The following CARMIL3 variants were observed in gnomAD, a reference collection of about 807,000 sequenced individuals.
CARMIL3 encodes capping protein, Arp2/3 and myosin-I linker protein 3.
In CARMIL3, 88 loss-of-function variants were observed where a neutral mutation model predicts 180.8. That is an observed-to-expected ratio of 0.49 (90% CI 0.41 to 0.58). The LOEUF (loss-of-function observed/expected upper bound fraction) is 0.58, where lower values mean the gene tolerates loss of function less well. Among genes scored for constraint, CARMIL3 ranks in the 20% least tolerant of loss-of-function variants. CARMIL3 has a pLI of 0.00. For missense variants in CARMIL3, 1,548 were observed against 1,787.0 expected (o/e 0.87, Z 2.41); for synonymous variants, 696 against 714.5 (o/e 0.97, Z 0.41).
At position 24,066,374 on chromosome 14, in the gene CARMIL3, C is replaced by A. The variant is rs754165788; in HGVS notation, c.3526-24C>A. 6.8e-6 allele frequency: 11 copies of A among 1,612,320 alleles called. No homozygotes were observed. The East Asian group carries it at 2.5e-4, about 36-fold the overall frequency. ...TCCTGCCACAGAGGAGACTTTCTTA[C>A]AACCTGACCCACTGTTCTTTCAGGG... On this transcript the variant is annotated intron_variant, in intron 34 of 39. Coordinates refer to ENST00000342740, the MANE Select transcript of CARMIL3 (RefSeq NM_138360.4).
In CARMIL3 at chr14:24,054,339, C is replaced by A. The variant is rs2035650367; in HGVS notation, c.246+38C>A. On this transcript the variant is annotated intron_variant, in intron 4 of 39. Coordinates refer to ENST00000342740, the MANE Select transcript of CARMIL3 (RefSeq NM_138360.4). This position sits in a 1 kb window ranked among gnomAD's most constrained non-coding sequence, Gnocchi z 5.1. ...GCTTTGGGCCCCACTACTGGGCCAG[C>A]TGGAGGAGGGAGCAGAGAGGAGGGA... 1 of 1,613,904 alleles carries A rather than the reference C, an allele frequency of 6.2e-7. No homozygotes were observed. The highest frequency in any genetic ancestry group is 1.3e-5 in the African/African-American group (1 of 75,028).
chr14:24,063,238 CCT>C, intron 30 of CARMIL3, 55 bp downstream of exon 30: 1 of 1,596,270 alleles, frequency 6.3e-7, no homozygotes, highest in Non-Finnish European at 8.6e-7. Context: ...CTCTGTAGCC[CCT>C]CTTTCCCTTG....
rs1259936643 is a variant in CARMIL3, at chr14:24,054,878, A to G, written c.460+70A>G. ...GCCCCATGATCAGAGCCCTTTGTGC[A>G]CAGGGTGTTGCCTGGGCGGGCGGGC... is the stretch of plus-strand genomic sequence containing the variant. On this transcript the variant is annotated intron_variant, in intron 6 of 39. Coordinates refer to ENST00000342740, the MANE Select transcript of CARMIL3 (RefSeq NM_138360.4). This position sits in a 1 kb window ranked among gnomAD's most constrained non-coding sequence, Gnocchi z 5.1. 2 of 1,513,278 alleles carry G rather than the reference A, an allele frequency of 1.3e-6. No individual in the cohort carries two copies. Among genetic ancestry groups the G allele is most frequent in the African/African-American group, 1.4e-5 (1 of 72,624 alleles). 93.7% of individuals were successfully genotyped at this position (1,513,278 alleles called of 1,614,324 possible).
In CARMIL3 at chr14:24,058,761, GGTGAGTA is replaced by G. The variant is rs1198962981; in HGVS notation, c.1474+4_1474+10del. 1 of 1,613,966 alleles carries G rather than the reference GGTGAGTA, an allele frequency of 6.2e-7. No individual in the cohort carries two copies. Among genetic ancestry groups the G allele is most frequent in the African/African-American group, 1.3e-5 (1 of 74,910 alleles). On this transcript the variant is annotated splice_donor_variant and splice_donor_5th_base_variant and intron_variant, in intron 18 of 39. Transcript: ENST00000342740. LOFTEE classifies it high-confidence loss of function. The surrounding 1 kb of genome is among the most constrained non-coding windows in gnomAD (Gnocchi z 6.4). The stretch of plus-strand genomic sequence containing the variant: ...AGGCAGCCTGGATCTGTCAGACAAT[GGTGAGTA>G]GTGGTTCCTCCCTTCCCTGGGGCCA...
At chr14:24,069,327 G>A in intron 39 of CARMIL3, 52 bp from the exon 40 acceptor site, 6 of 1,614,034 alleles carry the variant, frequency 3.7e-6, no homozygotes, top group Non-Finnish European at 5.1e-6. Flanking sequence ...AACACCAGGT[G>A]GCTGGCTGTC....
rs2035823682 is a variant in CARMIL3, at chr14:24,068,915, C to A, written c.3931C>A (p.Pro1311Thr). 1 of 1,593,314 alleles carries A rather than the reference C, an allele frequency of 6.3e-7. No homozygotes were observed. Among genetic ancestry groups the A allele is most frequent in the Non-Finnish European group, 8.5e-7 (1 of 1,169,776 alleles). ...AGATGCAGCTCCAGGAGTCAACAAA[C>A]CCCGGCTGAGGCTGAGCTCACAGCA... The part of the protein sequence containing the change: ...AGDAAPGVNK[P>T]RLRLSSQQDQ... Residue 1311 changes from proline (P) to threonine (T), a missense_variant, in exon 38 of 40, where the codon CCC (proline) becomes ACC (threonine). Physicochemically the swap from Pro to Thr is conservative, Grantham distance 38 (BLOSUM62 -1). This residue lies in a region of CARMIL3 where 668 missense variants were observed against 687.8 expected (regional missense o/e 0.97). Coordinates refer to ENST00000342740, the MANE Select transcript of CARMIL3 (RefSeq NM_138360.4).
At chr14:24,056,855 T>C (rs2035676693) in intron 12 of CARMIL3, 60 bp from the exon 13 acceptor site, 4 of 1,567,466 alleles carry the variant, frequency 2.6e-6, no homozygotes, top group African/African-American at 1.4e-5. Context: ...GGAAGAGTTA[T>C]GTGCTGAGGG....
Position 24,066,503 on chromosome 14 carries a change from T to C in CARMIL3, c.3592+39T>C, listed in dbSNP as rs370543756. 1.9e-6 allele frequency: 3 copies of C among 1,612,994 alleles called. No individual in the cohort carries two copies. The African/African-American group carries it at 4.0e-5, about 22-fold the overall frequency. On this transcript the variant is annotated intron_variant, in intron 35 of 39. Coordinates refer to ENST00000342740, the MANE Select transcript of CARMIL3 (RefSeq NM_138360.4). ...CATTCAAAGCCCTTTTGGACCCCTCTCTCAGGGGTCAAATTTACCTTTTCC... is the reference window on the plus strand; with the variant it reads ...CATTCAAAGCCCTTTTGGACCCCTCCCTCAGGGGTCAAATTTACCTTTTCC...
Position 24,058,712 on chromosome 14 carries a change from G to A in CARMIL3, c.1425G>A (p.Glu475=), listed in dbSNP as rs1335105190. ...LRSAGAQALQ[E]QLGAVTCVGS... Reference sequence around the variant, plus strand: ...CAGCGGGAGCCCAAGCCTTGCAGGAGCAGCTGGGAGCTGTCACCTGTGTAG... The same window carrying A: ...CAGCGGGAGCCCAAGCCTTGCAGGAACAGCTGGGAGCTGTCACCTGTGTAG... Residue 475 remains glutamate, a synonymous_variant, in exon 18 of 40, where the codon GAG becomes GAA. Coordinates refer to ENST00000342740, the MANE Select transcript of CARMIL3 (RefSeq NM_138360.4). This position sits in a 1 kb window ranked among gnomAD's most constrained non-coding sequence, Gnocchi z 6.4. 6.2e-7 allele frequency: 1 copy of A among 1,614,140 alleles called. No individual in the cohort carries two copies. The highest frequency in any genetic ancestry group is 2.2e-5 in the East Asian group (1 of 44,876).
At position 24,052,160 on chromosome 14, in the gene CARMIL3, A is replaced by T; in HGVS notation, c.7A>T (p.Lys3Ter). The T allele has an allele frequency of 6.3e-7, 1 of 1,588,724 alleles. No homozygotes were observed. The highest frequency in any genetic ancestry group is 8.5e-7 in the Non-Finnish European group (1 of 1,172,448). Residue 3 changes from lysine (K) to a stop codon, truncating the protein, a stop_gained, in exon 1 of 40, where the codon AAG becomes TAG. Transcript: ENST00000342740. LOFTEE classifies it high-confidence loss of function. ...CTCAGCAGCAGCGGCCGCCATGGCC[A>T]AGCCCAGCGTGGAGCTCACCCGCGA... MA[K>*]PSVELTRELQ...
Position 24,057,241 on chromosome 14 carries a change from C to T in CARMIL3, c.1137C>T (p.Asp379=), listed in dbSNP as rs776908168. The T allele has an allele frequency of 1.2e-6, 2 of 1,613,600 alleles. No homozygotes were observed. The highest frequency in any genetic ancestry group is 2.7e-5 in the African/African-American group (2 of 74,884). ...LDLSGTDCVI[D]LLLGALLHGC... Reference sequence around the variant, plus strand: ...TGTCAGGAACTGACTGCGTCATCGACTTGGTGAGGAGTTGGTGATGGGAAG... The same window carrying T: ...TGTCAGGAACTGACTGCGTCATCGATTTGGTGAGGAGTTGGTGATGGGAAG... Residue 379 remains aspartate, a synonymous_variant, in exon 14 of 40, where the codon GAC becomes GAT. Transcript: ENST00000342740.
rs570667676 is a variant in CARMIL3, at chr14:24,054,949, A to G, written c.461-117A>G. The G allele has an allele frequency of 2.1e-6, 3 of 1,402,148 alleles. No homozygotes were observed. The highest frequency in any genetic ancestry group is 2.5e-5 in the South Asian group (2 of 80,392). The allele number at this position is 1,402,148 out of a possible 1,614,324, so 86.9% of individuals were successfully genotyped here. The stretch of plus-strand genomic sequence containing the variant: ...CCAGCTCCCAGACCTCAGGAAGTTC[A>G]TGGCATAGCAAGAACCAAGAGCACT... On this transcript the variant is annotated intron_variant, in intron 6 of 39. Coordinates refer to ENST00000342740, the MANE Select transcript of CARMIL3 (RefSeq NM_138360.4). This position sits in a 1 kb window ranked among gnomAD's most constrained non-coding sequence, Gnocchi z 5.1.
At chr14:24,069,070 C>T in intron 38 of CARMIL3, 67 bp from the exon 39 acceptor site, 1 of 1,599,840 alleles carries the variant, frequency 6.3e-7, no homozygotes, top group South Asian at 1.1e-5. Context: ...CCAGGAGTCA[C>T]AGCCTGGATG....
intron 14 of CARMIL3, among the ~76,000 whole-genome samples, 163 bp downstream of exon 14, chr14:24,057,407 G>A (rs2138722123): frequency 6.6e-6 from 1 of 152,278 alleles, no homozygotes; most frequent in African/African-American, 2.4e-5. Context: ...ATACCTGTGT[G>A]GCACTTTATC....
In CARMIL3 at chr14:24,063,493, GC is replaced by G; in HGVS notation, c.2946del (p.Arg983GlyfsTer50). 1.2e-6 allele frequency: 2 copies of G among 1,613,130 alleles called. No individual in the cohort carries two copies. Among genetic ancestry groups the G allele is most frequent in the East Asian group, 2.2e-5 (1 of 44,866 alleles). On this transcript the variant is annotated frameshift_variant, in exon 31 of 40. Transcript: ENST00000342740. LOFTEE classifies it high-confidence loss of function. ...KLRHQTQGRP[R>X]PPRTTPPGPG... ...AGGCATCAAACACAAGGGAGGCCCC[GC>G]CCCCCCAGGACCACACCTCCAGGAC...
intron 8 of CARMIL3, 54 bp downstream of exon 8, chr14:24,055,364 C>G (rs72692150): frequency 6.3e-7 from 1 of 1,590,838 alleles, no homozygotes; most frequent in Non-Finnish European, 8.6e-7. Flanking sequence ...CAGCCCAACC[C>G]CAGCCCTTCC....
chr14:24,069,266 C>CA lies in CARMIL3; in HGVS notation c.4093+20dup. On this transcript the variant is annotated intron_variant, in intron 39 of 39. Transcript: ENST00000342740. ...CCCACAGGTGCTGGTGGTGAGAGGG[C>CA]AGGTCCCCCCTTCCCACCTATCTGT... 8 of 1,611,848 alleles carry CA rather than the reference C, an allele frequency of 5.0e-6. No homozygotes were observed. Among genetic ancestry groups the CA allele is most frequent in the Non-Finnish European group, 6.8e-6 (8 of 1,177,998 alleles).
chr14:24,056,214 GCAGTCAGGTAGAGGAGGAGGGGAAGCC>G, intron 10 of CARMIL3, 58 bp from the exon 11 acceptor site: 3 of 1,113,138 alleles, frequency 2.7e-6, no homozygotes, highest in Non-Finnish European at 3.9e-6. Context: ...CCCCAGCCAG[GCAGTCAGGTAGAGGAGGAGGGGAAGCC>G]CAGAGGCTGG....
chr14:24,065,076 G>T lies in CARMIL3; in HGVS notation c.3199G>T (p.Asp1067Tyr), dbSNP rs200614226. Residue 1067 changes from aspartate (D) to tyrosine (Y), a missense_variant, in exon 33 of 40, where the codon GAC becomes TAC. Physicochemically the swap from Asp to Tyr is radical, Grantham distance 160 (BLOSUM62 -3). Transcript: ENST00000342740. ...HFRRPRSFKG[D>Y]RGPGSPTTGL... ...TCGCCGGCCCCGGAGCTTCAAGGGG[G>T]ACAGGGGGCCGGGGTCCCCTACCAC... 1.9e-6 allele frequency: 3 copies of T among 1,593,696 alleles called. No individual in the cohort carries two copies. Among genetic ancestry groups the T allele is most frequent in the East Asian group, 4.5e-5 (2 of 44,544 alleles).
Sources: allele counts gnomAD v4.1 joint callset (sites outside exome capture counted in the v4.1 genomes callset), GRCh38; gene constraint gnomAD v4.1.1; regional missense constraint gnomAD v4.1.1; non-coding constraint Gnocchi (gnomAD v3.1); transcripts MANE v1.5; gene names NCBI Gene and HGNC (gene_info 2026-07-23, HGNC 2026-07-21).